The following SCAF8 variants were observed in gnomAD, a reference collection of about 807,000 sequenced individuals.
SCAF8 encodes the protein SR-related CTD associated factor 8.
SCAF8 carries 23 observed loss-of-function variants against 140.5 expected under a neutral mutation model. The ratio of observed to expected loss-of-function variants is 0.16; its 90% CI spans 0.12 to 0.23. The LOEUF is 0.23. Ranked by LOEUF, SCAF8 falls within the 10% of genes least tolerant of loss-of-function variation. SCAF8 has a pLI of 1.00. For missense variants in SCAF8, 1,397 were observed against 1,555.7 expected (o/e 0.90, Z 1.72); for synonymous variants, 575 against 528.9 (o/e 1.09, Z -1.20).
rs142273872 is a variant in SCAF8, at chr6:154,807,292, C to T, written c.982-778C>T. Among the ~76,000 whole-genome samples the T allele has an allele frequency of 7.6e-3, 1,164 of 152,248 alleles. 16 individuals are homozygous for T. Among genetic ancestry groups the T allele is most frequent in the African/African-American group, 0.027 (1,108 of 41,532 alleles). ...TCTATATATCAGTTCCAAAATTTCACAGCTTAGAATAATAAGATCCCTTTG... is the reference window on the plus strand; with the variant it reads ...TCTATATATCAGTTCCAAAATTTCATAGCTTAGAATAATAAGATCCCTTTG... On this transcript the variant is annotated intron_variant, in intron 9 of 19. Coordinates refer to ENST00000367178, the MANE Select transcript of SCAF8 (RefSeq NM_014892.5).
At chr6:154,779,329 G>T (rs1038414136) in intron 3 of SCAF8, among the ~76,000 whole-genome samples, 2 of 152,090 alleles carry the variant, frequency 1.3e-5, no homozygotes, top group Admixed American at 1.3e-4. Flanking sequence ...GAGCCACTGC[G>T]CCCAGCCATA....
Position 154,749,231 on chromosome 6 carries a change from G to A in SCAF8, c.30+15301G>A, listed in dbSNP as rs76414859. Among the ~76,000 whole-genome samples, 1,385 of 152,224 alleles carry A rather than the reference G, an allele frequency of 9.1e-3. 23 individuals carry two copies. The highest frequency in any genetic ancestry group is 0.031 in the African/African-American group (1,291 of 41,540). On this transcript the variant is annotated intron_variant, in intron 1 of 19. Coordinates refer to ENST00000367178, the MANE Select transcript of SCAF8 (RefSeq NM_014892.5). ...GGTGGGATTACAGGCATGAGCCACC[G>A]CACCCAGCCTAAAATCTCTTATTTT...
At chr6:154,793,989 A>G (rs1037488060) in intron 5 of SCAF8, among the ~76,000 whole-genome samples, 1 of 151,896 alleles carries the variant, frequency 6.6e-6, no homozygotes, top group African/African-American at 2.4e-5. Flanking sequence ...TGGTGTGATC[A>G]TAGCTCACTG....
intron 17 of SCAF8, among the ~76,000 whole-genome samples, chr6:154,826,608 G>A (rs898356628): frequency 2.0e-5 from 3 of 152,144 alleles, no homozygotes; most frequent in Non-Finnish European, 4.4e-5. Context: ...GAAGCCGAGT[G>A]CCATAGTGTG....
In SCAF8 at chr6:154,773,997, C is replaced by A; in HGVS notation, c.39C>A (p.Ser13=). The change falls in exon 2 of 20, where the codon TCC becomes TCA. Residue 13 remains serine, a synonymous_variant. Coordinates refer to ENST00000367178, the MANE Select transcript of SCAF8 (RefSeq NM_014892.5). ...AVKTFNSELY[S]LNDYKPPISK... ...TGTTCTTTTTTCATCAGTTGTATTC[C>A]CTGAATGACTATAAACCACCCATTT... 1.9e-6 allele frequency: 3 copies of A among 1,609,366 alleles called. No individual in the cohort carries two copies. Among genetic ancestry groups the A allele is most frequent in the South Asian group, 2.2e-5 (2 of 90,724 alleles).
chr6:154,816,180 G>C (rs1173188968), intron 13 of SCAF8, among the ~76,000 whole-genome samples: 3 of 152,162 alleles, frequency 2.0e-5, no homozygotes, highest in Non-Finnish European at 2.9e-5. Flanking sequence ...GTAGTCACTT[G>C]CACATGACCA....
chr6:154,799,268 G>A (rs896225422), intron 6 of SCAF8, among the ~76,000 whole-genome samples: 6 of 151,050 alleles, frequency 4.0e-5, no homozygotes, highest in African/African-American at 1.5e-4. Context: ...ATGAGCCACC[G>A]TGCCTGGCCA....
chr6:154,792,543 A>G (rs1406996830), intron 4 of SCAF8, among the ~76,000 whole-genome samples: 1 of 152,214 alleles, frequency 6.6e-6, no homozygotes, highest in Non-Finnish European at 1.5e-5. Flanking sequence ...CATCCATATC[A>G]TTAGAAGTGA....
chr6:154,816,700 T>C (rs1778261253), intron 13 of SCAF8, among the ~76,000 whole-genome samples: 1 of 152,180 alleles, frequency 6.6e-6, no homozygotes, highest in Non-Finnish European at 1.5e-5. Flanking sequence ...TCATTATTTA[T>C]CAGAAAATTG....
At chr6:154,747,636 T>A (rs1384143236) in intron 1 of SCAF8, among the ~76,000 whole-genome samples, 2 of 152,202 alleles carry the variant, frequency 1.3e-5, no homozygotes, top group African/African-American at 4.8e-5. Flanking sequence ...AGAACTTGAT[T>A]AATAACTTGC....
chr6:154,735,806 G>A (rs183830890), intron 1 of SCAF8, among the ~76,000 whole-genome samples: 348 of 151,914 alleles, frequency 2.3e-3, no homozygotes, highest in Non-Finnish European at 4.0e-3. Context: ...GTGCCACTGC[G>A]CCTGGTGTTT....
At position 154,783,974 on chromosome 6, in the gene SCAF8, G is replaced by A. The variant is rs563560847; in HGVS notation, c.160-3887G>A. On this transcript the variant is annotated intron_variant, in intron 3 of 19. Transcript: ENST00000367178. Reference sequence around the variant, plus strand: ...CCCAGCTACTCAGGAGGCTGAGGCAGGAGAATTGCTTGAACCCACAAAGCA... The same window carrying A: ...CCCAGCTACTCAGGAGGCTGAGGCAAGAGAATTGCTTGAACCCACAAAGCA... Among the ~76,000 whole-genome samples, 364 of 152,018 alleles carry A rather than the reference G, an allele frequency of 2.4e-3. 3 individuals are homozygous for A. Among genetic ancestry groups the A allele is most frequent in the African/African-American group, 8.1e-3 (336 of 41,492 alleles).
intron 13 of SCAF8, 37 bp downstream of exon 13, chr6:154,815,853 AAGG>A: frequency 7.3e-7 from 1 of 1,371,580 alleles, no homozygotes; most frequent in African/African-American, 1.4e-5. Context: ...GGTTTTAAAA[AAGG>A]AGGTTTTTAT....
At chr6:154,807,700 T>A (rs1777962672) in intron 9 of SCAF8, among the ~76,000 whole-genome samples, 1 of 152,258 alleles carries the variant, frequency 6.6e-6, no homozygotes, top group African/African-American at 2.4e-5. Flanking sequence ...TGTAGCATTT[T>A]TTATTAATGC....
At chr6:154,815,901 C>G (rs1220890346) in intron 13 of SCAF8, 85 bp downstream of exon 13, 3 of 698,550 alleles carry the variant, frequency 4.3e-6, no homozygotes, top group Non-Finnish European at 7.5e-6. Context: ...CTAATTAGCC[C>G]AGTAATGTCT....
intron 6 of SCAF8, among the ~76,000 whole-genome samples, 171 bp downstream of exon 6, chr6:154,795,310 G>A (rs1777569115): frequency 6.6e-6 from 1 of 152,032 alleles, no homozygotes; most frequent in Non-Finnish European, 1.5e-5. Context: ...CATCATGAAT[G>A]CTTTCATGTC....
chr6:154,820,813 CT>C (rs1395001419), intron 15 of SCAF8, among the ~76,000 whole-genome samples: 1 of 151,468 alleles, frequency 6.6e-6, no homozygotes, highest in Non-Finnish European at 1.5e-5. Context: ...CATCAGCCTG[CT>C]TTTTTTTAAT....
chr6:154,784,316 A>G (rs921972224), intron 3 of SCAF8, among the ~76,000 whole-genome samples: 2 of 151,740 alleles, frequency 1.3e-5, no homozygotes, highest in Non-Finnish European at 2.9e-5. Flanking sequence ...TTTCATATGT[A>G]TTTTTATTAA....
In SCAF8 at chr6:154,833,263, A is replaced by C; in HGVS notation, c.3684A>C (p.Ile1228=). Residue 1228 remains isoleucine (I), a synonymous_variant, in exon 20 of 20, where the codon ATA becomes ATC. Coordinates refer to ENST00000367178, the MANE Select transcript of SCAF8 (RefSeq NM_014892.5). ...AGAGACATGCTCAGCCACCACCTAT[A>C]CCAGTACAGAATGATCCTGAACTTT... ...NTERHAQPPP[I]PVQNDPELYE... is the part of the protein sequence containing the mutation. 6.2e-7 allele frequency: 1 copy of C among 1,614,026 alleles called. No individual in the cohort carries two copies. Among genetic ancestry groups the C allele is most frequent in the Non-Finnish European group, 8.5e-7 (1 of 1,179,990 alleles).
Sources: gnomAD v4.1 joint callset for allele counts (sites outside exome capture counted in the v4.1 genomes callset) on GRCh38, gnomAD v4.1.1 for gene constraint, MANE v1.5 for transcripts, NCBI Gene and HGNC (gene_info 2026-07-23, HGNC 2026-07-21) for gene names.